The following CD8B2 variants were observed in gnomAD, a reference collection of about 807,000 sequenced individuals.
CD8B2 encodes CD8B family member 2, also known as T-cell surface glycoprotein CD8 beta-2 chain.
In CD8B2, 11 loss-of-function variants were observed where a neutral mutation model predicts 23.7. The ratio of observed to expected loss-of-function variants is 0.46; its 90% CI spans 0.29 to 0.77. The LOEUF is 0.77. CD8B2 is among the 30% of genes least tolerant of loss of function. The pLI, the probability that CD8B2 is intolerant of heterozygous loss-of-function variation, is 0.09. For synonymous variants in CD8B2, 90 were observed against 109.3 expected (o/e 0.82, Z 1.10); for missense variants, 197 against 270.5 (o/e 0.73, Z 1.91).
intron 5 of CD8B2, among the ~76,000 whole-genome samples, chr2:106,542,177 T>C (rs1573355558): frequency 6.6e-6 from 1 of 152,260 alleles, no homozygotes; most frequent in South Asian, 2.1e-4. Flanking sequence ...TCAGCCCTTG[T>C]AGAGTTCACG....
downstream of CD8B2, among the ~76,000 whole-genome samples, chr2:106,512,476 T>G (rs533112877): frequency 7.3e-5 from 11 of 150,162 alleles, 2 homozygotes; most frequent in African/African-American, 2.0e-4. Context: ...CTTCCTTGGG[T>G]GTGTGTGTGT....
intron 5 of CD8B2, among the ~76,000 whole-genome samples, chr2:106,504,746 C>T (rs1442829129): frequency 3.3e-5 from 5 of 152,132 alleles, no homozygotes; most frequent in Admixed American, 6.5e-5. Context: ...CACAGAATAC[C>T]GCAGAGTATC....
intron 1 of CD8B2, among the ~76,000 whole-genome samples, chr2:106,489,391 A>G (rs1679147726): frequency 6.6e-6 from 1 of 151,746 alleles, no homozygotes; most frequent in African/African-American, 2.4e-5. Context: ...AGTGTTGGAG[A>G]AGGCCATTAT....
At position 106,496,229 on chromosome 2, in the gene CD8B2, G is replaced by T; in HGVS notation, c.460G>T (p.Val154Leu). The change falls in exon 3 of 6, where the codon GTG becomes TTG. Residue 154 changes from valine (V) to leucine (L), a missense_variant. This residue lies in a region of CD8B2 where 35 missense variants were observed against 82.9 expected (regional missense o/e 0.42). Transcript: ENST00000643224. ...CAAGAAGTCCACCCTCAAGAAGAGA[G>T]TGTGCCGGTTACCCAGGCCAGAGAC... ...PTKKSTLKKR[V>L]CRLPRPETQK... is the part of the protein sequence containing the mutation. The T allele has an allele frequency of 6.5e-7, 1 of 1,541,488 alleles. No individual in the cohort carries two copies. Among genetic ancestry groups the T allele is most frequent in the Non-Finnish European group, 8.8e-7 (1 of 1,142,536 alleles).
rs547520358 is a variant in CD8B2, at chr2:106,529,136, A to T, written c.621-14856A>T. Among the ~76,000 whole-genome samples, 7 of 152,304 alleles carry T rather than the reference A, an allele frequency of 4.6e-5. No individual in the cohort carries two copies. In the East Asian group the frequency reaches 1.4e-3, roughly 29 times the overall value. On this transcript the variant is annotated intron_variant, in intron 5 of 5. Transcript: ENST00000416057. ...AGTGCTGGAAGTTTGCTCTCCAGTG[A>T]TTCTACACATAATTTACAAATGTCT... is the stretch of plus-strand genomic sequence containing the variant.
intron 5 of CD8B2, among the ~76,000 whole-genome samples, chr2:106,541,182 TTGTATC>T (rs1680167525): frequency 6.6e-6 from 1 of 152,120 alleles, no homozygotes; most frequent in African/African-American, 2.4e-5. Flanking sequence ...GCATGCCTGT[TTGTATC>T]TGTGTATCAC....
intron 5 of CD8B2, among the ~76,000 whole-genome samples, chr2:106,523,274 T>C (rs1679856524): frequency 6.6e-6 from 1 of 152,174 alleles, no homozygotes; most frequent in Non-Finnish European, 1.5e-5. Flanking sequence ...TTATGTGTGG[T>C]AAAACTTCCT....
intron 5 of CD8B2, among the ~76,000 whole-genome samples, chr2:106,533,080 G>A (rs1377200842): frequency 6.6e-6 from 1 of 152,150 alleles, no homozygotes; most frequent in Admixed American, 6.5e-5. Flanking sequence ...AAAAAGGATG[G>A]GAGGGTCTTA....
At chr2:106,524,824 G>A (rs1679885406) in intron 5 of CD8B2, among the ~76,000 whole-genome samples, 1 of 152,092 alleles carries the variant, frequency 6.6e-6, no homozygotes, top group African/African-American at 2.4e-5. Context: ...GGCTGCACAT[G>A]GGAATCCCCT....
intron 2 of CD8B2, among the ~76,000 whole-genome samples, chr2:106,492,499 C>G (rs184061636): frequency 3.9e-5 from 6 of 152,280 alleles, no homozygotes; most frequent in African/African-American, 1.4e-4. Flanking sequence ...TGGCTCATCT[C>G]GATTCAGACT....
At chr2:106,541,481 G>A (rs1458434179) in intron 5 of CD8B2, among the ~76,000 whole-genome samples, 1 of 152,246 alleles carries the variant, frequency 6.6e-6, no homozygotes, top group African/African-American at 2.4e-5. Flanking sequence ...GGCATCTAGC[G>A]GATATGTTGC....
At chr2:106,499,090 A>ACATTT (rs1390134967) in intron 3 of CD8B2, among the ~76,000 whole-genome samples, 2 of 152,104 alleles carry the variant, frequency 1.3e-5, no homozygotes, top group Non-Finnish European at 2.9e-5. Flanking sequence ...CCGGAGAGTC[A>ACATTT]CATTTTGGAT....
chr2:106,542,221 G>T (rs931979673), intron 5 of CD8B2, among the ~76,000 whole-genome samples: 2 of 152,154 alleles, frequency 1.3e-5, no homozygotes, highest in African/African-American at 2.4e-5. Flanking sequence ...AGCATTTTGC[G>T]CATCCCTCTG....
Position 106,492,725 on chromosome 2 carries a change from C to T in CD8B2, c.403+1492C>T, listed in dbSNP as rs180783149. 2.6e-4 allele frequency among the ~76,000 whole-genome samples: 40 copies of T among 152,226 alleles called. 1 individual carries two copies. In the East Asian group the frequency reaches 6.8e-3, roughly 26 times the overall value. On this transcript the variant is annotated intron_variant, in intron 2 of 5. Coordinates refer to ENST00000643224, the MANE Select transcript of CD8B2 (RefSeq NM_001349727.2). The stretch of plus-strand genomic sequence containing the variant: ...GGGACCCAGAAATTAGACCACTCAG[C>T]GTGAGGAAGTGCAGGGGCAGCTGGG...
chr2:106,508,612 G>A lies in CD8B2; in HGVS notation c.*1672G>A, dbSNP rs1558879949. 1 of 152,174 alleles carries A rather than the reference G, an allele frequency of 6.6e-6. No individual in the cohort carries two copies. The highest frequency in any genetic ancestry group is 1.5e-5 in the Non-Finnish European group (1 of 68,036). The allele number at this position is 152,174 out of a possible 1,614,324, so 9.4% of individuals were successfully genotyped here. ...GAAAGCACTCCACATGGTAGGAGTG[G>A]ACCCTAAGCAGATAGCCCATGGGCC... is the stretch of plus-strand genomic sequence containing the variant. On this transcript the variant is annotated 3_prime_UTR_variant, in exon 6 of 6. Coordinates refer to ENST00000643224, the MANE Select transcript of CD8B2 (RefSeq NM_001349727.2).
chr2:106,489,821 C>CA (rs1679156154), intron 1 of CD8B2, among the ~76,000 whole-genome samples: 1 of 152,190 alleles, frequency 6.6e-6, no homozygotes, highest in Non-Finnish European at 1.5e-5. Flanking sequence ...GGCAGGACAA[C>CA]AGCCCCAAGC....
intron 2 of CD8B2, among the ~76,000 whole-genome samples, chr2:106,492,161 C>T (rs1406608037): frequency 6.6e-6 from 1 of 151,658 alleles, no homozygotes; most frequent in Non-Finnish European, 1.5e-5. Flanking sequence ...ATGCTTTCTC[C>T]CCTGGGCCTC....
chr2:106,524,789 AC>A (rs1679884933), intron 5 of CD8B2, among the ~76,000 whole-genome samples: 1 of 152,022 alleles, frequency 6.6e-6, no homozygotes, highest in South Asian at 2.1e-4. Flanking sequence ...TGCAAACTGT[AC>A]CTCTGGTGTG....
At chr2:106,533,221 T>C (rs930157574) in intron 5 of CD8B2, among the ~76,000 whole-genome samples, 1 of 152,154 alleles carries the variant, frequency 6.6e-6, no homozygotes, top group Non-Finnish European at 1.5e-5. Flanking sequence ...GGGCTTCTGA[T>C]TGCAGATGGA....
Sources: allele counts gnomAD v4.1 joint callset (sites outside exome capture counted in the v4.1 genomes callset), GRCh38; gene constraint gnomAD v4.1.1; regional missense constraint gnomAD v4.1.1; transcripts MANE v1.5; gene names NCBI Gene and HGNC (gene_info 2026-07-23, HGNC 2026-07-21).